The following DFFB variants were observed in gnomAD, a reference collection of about 807,000 sequenced individuals.
DFFB encodes DNA fragmentation factor 40 kDa subunit.
In DFFB, 29 loss-of-function variants were observed where a neutral mutation model predicts 32.7. The ratio of observed to expected loss-of-function variants is 0.89; its 90% CI spans 0.66 to 1.21. The LOEUF (loss-of-function observed/expected upper bound fraction) is 1.21, where lower values mean the gene tolerates loss of function less well. Among genes scored for constraint, DFFB ranks in the 50% most tolerant of loss-of-function variants. The probability of loss-of-function intolerance (pLI) is 0.00; values close to 1 mark genes in which losing one functional copy is unlikely to be tolerated. For synonymous variants in DFFB, 170 were observed against 177.1 expected, an observed-to-expected ratio of 0.96 and a Z score of 0.32; for missense variants, 398 against 440.6, an observed-to-expected ratio of 0.90 and a Z score of 0.87.
chr1:3,867,944 G>C, intron 3 of DFFB, 30 bp from the exon 4 acceptor site: 1 of 1,612,204 alleles, frequency 6.2e-7, no homozygotes, highest in Non-Finnish European at 8.5e-7. Flanking sequence ...CTGCCCTGTG[G>C]ACTTGGGGGT....
intron 1 of DFFB, among the ~76,000 whole-genome samples, chr1:3,857,953 G>A (rs1331338265): frequency 6.6e-6 from 1 of 152,176 alleles, no homozygotes; most frequent in African/African-American, 2.4e-5. Flanking sequence ...CCCACCTCTC[G>A]GGCAGGACAG....
chr1:3,870,740 AG>A (rs1254009029), intron 5 of DFFB, among the ~76,000 whole-genome samples: 1 of 151,776 alleles, frequency 6.6e-6, no homozygotes, highest in African/African-American at 2.4e-5. Flanking sequence ...GGCCCCAGGG[AG>A]GGGGTGGGGC....
At position 3,866,004 on chromosome 1, in the gene DFFB, C is replaced by T. The variant is rs142035604; in HGVS notation, c.430+4C>T. On this transcript the variant is annotated splice_donor_region_variant and intron_variant, in intron 3 of 6. Coordinates refer to ENST00000378209, the MANE Select transcript of DFFB (RefSeq NM_004402.4). ...GAGGACCCGCCGTGGTTTGAAGGTG[C>T]GTGGGGGCTGCAGCTGGCAGGGGAG... is the stretch of plus-strand genomic sequence containing the variant. 1.1e-4 allele frequency: 175 copies of T among 1,547,800 alleles called. No individual in the cohort carries two copies. Among genetic ancestry groups the T allele is most frequent in the South Asian group, 1.5e-4 (12 of 80,146 alleles).
chr1:3,876,509 A>C (rs145877372), intron 6 of DFFB, among the ~76,000 whole-genome samples: 26 of 152,368 alleles, frequency 1.7e-4, no homozygotes, highest in Non-Finnish European at 2.6e-4. Flanking sequence ...GTCTTCGGAA[A>C]GTTGCAGAGA....
intron 2 of DFFB, among the ~76,000 whole-genome samples, chr1:3,864,873 T>C (rs1644945456): frequency 6.6e-6 from 1 of 152,196 alleles, no homozygotes; most frequent in Admixed American, 6.5e-5. Flanking sequence ...ATGTGCTTAT[T>C]TGCCATCTGT....
In DFFB at chr1:3,884,548, A is replaced by T. The variant is rs1455809830; in HGVS notation, c.*807A>T. 3.3e-5 allele frequency: 5 copies of T among 152,116 alleles called. No individual in the cohort carries two copies. The highest frequency in any genetic ancestry group is 7.3e-5 in the Non-Finnish European group (5 of 68,076). 9.4% of individuals were successfully genotyped at this position (152,116 alleles called of 1,614,324 possible). On this transcript the variant is annotated 3_prime_UTR_variant, in exon 7 of 7. Transcript: ENST00000378209. The stretch of plus-strand genomic sequence containing the variant: ...ACGATGTTTATACTCCGTAAAGAAC[A>T]TACAAGGACATTCACTGCTGATTTT...
intron 6 of DFFB, among the ~76,000 whole-genome samples, chr1:3,881,775 C>T (rs71503075): frequency 0.14 from 21,112 of 151,780 alleles, 1,620 homozygotes; most frequent in South Asian, 0.17. Flanking sequence ...GAGGCTGAGG[C>T]AGGAGAATGA....
chr1:3,867,139 G>A (rs972492724), intron 3 of DFFB, among the ~76,000 whole-genome samples: 5 of 152,172 alleles, frequency 3.3e-5, no homozygotes, highest in East Asian at 3.9e-4. Flanking sequence ...CTCGTGATCC[G>A]CCCGCCTCGG....
At chr1:3,874,645 T>G (rs1400427246) in intron 6 of DFFB, among the ~76,000 whole-genome samples, 12 of 119,098 alleles carry the variant, frequency 1.0e-4, no homozygotes, top group South Asian at 2.8e-4. Context: ...ATACGTGGCC[T>G]CCCACGCTGT....
intron 2 of DFFB, among the ~76,000 whole-genome samples, chr1:3,862,751 T>C (rs745383852): frequency 2.6e-5 from 4 of 152,200 alleles, no homozygotes; most frequent in Non-Finnish European, 4.4e-5. Context: ...GAAGAAAACA[T>C]AGCGATAAGT....
At chr1:3,876,778 T>C (rs1645230447) in intron 6 of DFFB, among the ~76,000 whole-genome samples, 1 of 152,202 alleles carries the variant, frequency 6.6e-6, no homozygotes, top group African/African-American at 2.4e-5. Flanking sequence ...TTCCCACCCT[T>C]AGTGCCACCT....
chr1:3,859,421 T>C (rs1644836100), intron 2 of DFFB, among the ~76,000 whole-genome samples: 1 of 152,152 alleles, frequency 6.6e-6, no homozygotes, highest in African/African-American at 2.4e-5. Flanking sequence ...CTGCGCTTGT[T>C]TGACTCCCGT....
intron 4 of DFFB, among the ~76,000 whole-genome samples, chr1:3,869,364 TATCTC>T (rs1645063377): frequency 1.3e-5 from 2 of 152,336 alleles, no homozygotes; most frequent in Admixed American, 6.5e-5. Context: ...CCCAGCCTGT[TATCTC>T]ATCTAAGTCT....
intron 5 of DFFB, among the ~76,000 whole-genome samples, chr1:3,871,146 TCA>T (rs1231706513): frequency 1.3e-5 from 2 of 150,888 alleles, no homozygotes; most frequent in African/African-American, 4.9e-5. Flanking sequence ...CTTCCTGGCC[TCA>T]CTTCCCATGA....
chr1:3,867,847 T>C, intron 3 of DFFB, 127 bp from the exon 4 acceptor site: 1 of 814,710 alleles, frequency 1.2e-6, no homozygotes, highest in South Asian at 1.5e-5. Context: ...AGCAAGACCC[T>C]GTCAAAAAGA....
intron 6 of DFFB, among the ~76,000 whole-genome samples, chr1:3,878,054 C>G (rs1645259789): frequency 6.6e-6 from 1 of 152,150 alleles, no homozygotes; most frequent in Non-Finnish European, 1.5e-5. Flanking sequence ...CAGCTGCTGT[C>G]TCCTAGAATG....
intron 6 of DFFB, among the ~76,000 whole-genome samples, chr1:3,874,537 C>T (rs1376323061): frequency 4.4e-4 from 21 of 47,558 alleles, no homozygotes; most frequent in African/African-American, 1.9e-3. Context: ...TTACCACACG[C>T]GTGTGGGTTT....
chr1:3,860,678 A>C (rs1324944268), intron 2 of DFFB, among the ~76,000 whole-genome samples: 1 of 152,110 alleles, frequency 6.6e-6, no homozygotes, highest in Admixed American at 6.6e-5. Flanking sequence ...TGCAATGTGC[A>C]TGTTGTTCTG....
At chr1:3,871,046 C>G (rs1645102772) in intron 5 of DFFB, among the ~76,000 whole-genome samples, 1 of 152,332 alleles carries the variant, frequency 6.6e-6, no homozygotes, top group Admixed American at 6.5e-5. Context: ...AGGGAAACAT[C>G]AGGAAGCCGC....
Sources: allele counts gnomAD v4.1 joint callset (sites outside exome capture counted in the v4.1 genomes callset), GRCh38; gene constraint gnomAD v4.1.1; transcripts MANE v1.5; gene names NCBI Gene and HGNC (gene_info 2026-07-23, HGNC 2026-07-21).